Variants in NLGN1 observed in about 807,000 individuals in gnomAD.
NLGN1 encodes neuroligin-1.
In NLGN1, 12 loss-of-function variants were observed where a neutral mutation model predicts 65.5. That is an observed-to-expected ratio of 0.18 (90% CI 0.12 to 0.30). The LOEUF (loss-of-function observed/expected upper bound fraction) is 0.30. NLGN1 is among the 10% of genes least tolerant of loss of function. The probability of loss-of-function intolerance (pLI) is 1.00; values close to 1 mark genes in which losing one functional copy is unlikely to be tolerated. For missense variants in NLGN1, 750 were observed against 1,007.1 expected (o/e 0.74, Z 3.46); for synonymous variants, 350 against 359.5 (o/e 0.97, Z 0.30).
Position 174,044,172 on chromosome 3 carries a change from C to T in NLGN1, c.647-231143C>T, listed in dbSNP as rs77940328. 6.3e-3 allele frequency among the ~76,000 whole-genome samples: 952 copies of T among 152,242 alleles called. 22 individuals carry two copies. The highest frequency in any genetic ancestry group is 0.039 in the East Asian group (201 of 5,156). On this transcript the variant is annotated intron_variant, in intron 4 of 6. Transcript: ENST00000457714. Reference sequence around the variant, plus strand: ...CACACCTGGGGAGCCCTGGGCCTGGCCCACAACACCATTGTTTCCTCCTTG... The same window carrying T: ...CACACCTGGGGAGCCCTGGGCCTGGTCCACAACACCATTGTTTCCTCCTTG...
chr3:173,515,609 A>G (rs913014914), intron 2 of NLGN1, among the ~76,000 whole-genome samples: 2 of 152,076 alleles, frequency 1.3e-5, no homozygotes, highest in Non-Finnish European at 2.9e-5. Flanking sequence ...TAATAGTTTC[A>G]TAGTTTCAGA....
At position 173,942,111 on chromosome 3, in the gene NLGN1, T is replaced by G. The variant is rs868639691; in HGVS notation, c.646+134279T>G. ...GGTCAGGAATATTGGTGGTTGGGGG[T>G]GTGTGTGTGTGTGTGTGTGTGTGTG... On this transcript the variant is annotated intron_variant, in intron 4 of 6. Coordinates refer to ENST00000457714, the Ensembl canonical transcript of NLGN1. Among the ~76,000 whole-genome samples, 969 of 117,710 alleles carry G rather than the reference T, an allele frequency of 8.2e-3. 7 individuals are homozygous for G. The highest frequency in any genetic ancestry group is 6.0e-3 in the South Asian group (21 of 3,482). The allele number at this position is 117,710 out of a possible 152,430, so 77.2% of individuals were successfully genotyped here. A position where few individuals can be genotyped will look rare whatever the true frequency, so the allele number is the denominator to read the frequency against.
At chr3:174,064,226 G>A (rs1183094900) in intron 4 of NLGN1, among the ~76,000 whole-genome samples, 1 of 151,878 alleles carries the variant, frequency 6.6e-6, no homozygotes, top group Non-Finnish European at 1.5e-5. Flanking sequence ...CATATAGAAA[G>A]CTTCATGAAG....
At chr3:174,103,506 A>C (rs903165633) in intron 4 of NLGN1, among the ~76,000 whole-genome samples, 13 of 152,146 alleles carry the variant, frequency 8.5e-5, no homozygotes, top group Non-Finnish European at 7.4e-5. Flanking sequence ...TATTTTAAAC[A>C]TAATGATGGG....
At chr3:173,810,745 T>A (rs1213664796) in intron 4 of NLGN1, among the ~76,000 whole-genome samples, 1 of 152,246 alleles carries the variant, frequency 6.6e-6, no homozygotes, top group African/African-American at 2.4e-5. Context: ...AAAAAAAATT[T>A]GTTTATTACA....
intron 4 of NLGN1, among the ~76,000 whole-genome samples, chr3:173,840,766 C>T (rs1724615774): frequency 6.6e-6 from 1 of 152,138 alleles, no homozygotes; most frequent in African/African-American, 2.4e-5. Flanking sequence ...TTTCCAGTCT[C>T]CCATCATTAT....
intron 2 of NLGN1, among the ~76,000 whole-genome samples, chr3:173,542,855 C>A (rs1440148625): frequency 6.6e-6 from 1 of 152,048 alleles, no homozygotes; most frequent in Non-Finnish European, 1.5e-5. Flanking sequence ...ATTGTCTTTT[C>A]AATTCTCAGT....
At chr3:173,783,905 G>GT (rs1447324740) in intron 3 of NLGN1, among the ~76,000 whole-genome samples, 2 of 152,180 alleles carry the variant, frequency 1.3e-5, no homozygotes, top group South Asian at 4.2e-4. Context: ...ATGTTACAAT[G>GT]TTTTTTTGAA....
chr3:174,091,238 A>G (rs1437251242), intron 4 of NLGN1, among the ~76,000 whole-genome samples: 1 of 152,220 alleles, frequency 6.6e-6, no homozygotes, highest in Non-Finnish European at 1.5e-5. Flanking sequence ...AAACCTTTTA[A>G]AACAGCTATT....
intron 3 of NLGN1, among the ~76,000 whole-genome samples, chr3:173,716,671 T>C (rs1409915908): frequency 6.6e-6 from 1 of 152,170 alleles, no homozygotes; most frequent in African/African-American, 2.4e-5. Context: ...AGTGTTATTT[T>C]AATGATGATT....
At chr3:174,002,033 A>G (rs1002386973) in intron 4 of NLGN1, among the ~76,000 whole-genome samples, 2 of 151,664 alleles carry the variant, frequency 1.3e-5, no homozygotes, top group Admixed American at 6.6e-5. Context: ...AGTTAAGGTA[A>G]CAGAATCACC....
chr3:173,805,484 G>C (rs1179835481), intron 3 of NLGN1, among the ~76,000 whole-genome samples: 1 of 152,116 alleles, frequency 6.6e-6, no homozygotes, highest in Admixed American at 6.6e-5. Flanking sequence ...AGAATCTATT[G>C]TCATATTTTC....
intron 4 of NLGN1, among the ~76,000 whole-genome samples, chr3:174,262,294 G>T (rs1464697910): frequency 1.1e-5 from 1 of 92,006 alleles, no homozygotes; most frequent in Non-Finnish European, 2.1e-5. Flanking sequence ...GGTAGAATTC[G>T]GCTGTGAATC....
chr3:174,288,973 C>CTATTAAA (rs1752435349), downstream of NLGN1, among the ~76,000 whole-genome samples: 3 of 151,470 alleles, frequency 2.0e-5, no homozygotes, highest in South Asian at 6.2e-4. Flanking sequence ...ATATTAAATA[C>CTATTAAA]TATTAAATTC....
chr3:173,479,308 G>A (rs996888483), intron 2 of NLGN1, among the ~76,000 whole-genome samples: 1 of 151,980 alleles, frequency 6.6e-6, no homozygotes, highest in Non-Finnish European at 1.5e-5. Flanking sequence ...AAAGAGTGAG[G>A]AAGAGAGGAA....
At position 173,445,952 on chromosome 3, in the gene NLGN1, C is replaced by G. The variant is rs565107898; in HGVS notation, c.-321+10874C>G. ...TCTAACAGACATTTGATCTATCCAC[C>G]CTTGCCCTTACTGTGAGCAGATTAC... On this transcript the variant is annotated intron_variant, in intron 2 of 6. Coordinates refer to ENST00000457714, the Ensembl canonical transcript of NLGN1. Among the ~76,000 whole-genome samples the G allele has an allele frequency of 7.3e-4, 111 of 152,242 alleles. 1 individual carries two copies. The highest frequency in any genetic ancestry group is 2.4e-3 in the African/African-American group (100 of 41,542).
chr3:173,501,173 T>A (rs1163175448), intron 2 of NLGN1, among the ~76,000 whole-genome samples: 1 of 152,078 alleles, frequency 6.6e-6, no homozygotes, highest in Non-Finnish European at 1.5e-5. Flanking sequence ...CTTAGTGCCA[T>A]GGTGGTTTGC....
At position 173,449,972 on chromosome 3, in the gene NLGN1, G is replaced by A. The variant is rs139208950; in HGVS notation, c.-321+14894G>A. ...TGTGTGTGTCTCTGCACATGAGATG[G>A]GTTTCCTGAATACAGCACACAGATG... On this transcript the variant is annotated intron_variant, in intron 2 of 6. Coordinates refer to ENST00000457714, the Ensembl canonical transcript of NLGN1. 3.8e-3 allele frequency among the ~76,000 whole-genome samples: 582 copies of A among 152,166 alleles called. 5 individuals carry two copies. The highest frequency in any genetic ancestry group is 0.02 in the Middle Eastern group (6 of 294).
chr3:173,759,543 A>C (rs1777642934), intron 3 of NLGN1, among the ~76,000 whole-genome samples: 1 of 151,968 alleles, frequency 6.6e-6, no homozygotes, highest in Admixed American at 6.6e-5. Flanking sequence ...TTCTTTGAGC[A>C]ATGTATGAGA....
Sources: gnomAD v4.1 joint callset for allele counts (sites outside exome capture counted in the v4.1 genomes callset) on GRCh38, gnomAD v4.1.1 for gene constraint, MANE v1.5 for transcripts, NCBI Gene and HGNC (gene_info 2026-07-23, HGNC 2026-07-21) for gene names.